Variants in SMARCE1 observed in about 807,000 individuals in gnomAD.
SMARCE1 encodes the protein SWI/SNF-related matrix-associated actin-dependent regulator of chromatin subfamily E member 1.
In SMARCE1, 13 loss-of-function variants were observed where a neutral mutation model predicts 54.9. That is an observed-to-expected ratio of 0.24 (90% CI 0.15 to 0.38). SMARCE1 has a LOEUF of 0.38. Ranked by LOEUF, SMARCE1 falls within the 10% of genes least tolerant of loss-of-function variation. The pLI is 1.00. For synonymous variants in SMARCE1, 151 were observed against 175.3 expected (o/e 0.86, Z 1.10); for missense variants, 295 against 523.8 (o/e 0.56, Z 4.26).
chr17:40,633,143 G>A (rs2037112307), intron 7 of SMARCE1: 1 of 152,220 alleles, frequency 6.6e-6, no homozygotes, highest in Non-Finnish European at 1.5e-5. Context: ...CCAAGTAGCA[G>A]GAATTACAGG....
At chr17:40,644,354 A>T (rs2037230756) in intron 3 of SMARCE1, 1 of 152,164 alleles carries the variant, frequency 6.6e-6, no homozygotes, top group Admixed American at 6.5e-5. Context: ...CTAAAAAAAA[A>T]AAAATGGAAA....
Position 40,625,491 on chromosome 17 carries a change from G to T in SMARCE1, c.*3294C>A, listed in dbSNP as rs1425158211. ...AATGCACTAGCTGAAACCAGGTGGGGAGACCATGTGTGGTAGTGCTTGGGG... is the reference window on the plus strand; with the variant it reads ...AATGCACTAGCTGAAACCAGGTGGGTAGACCATGTGTGGTAGTGCTTGGGG... On this transcript the variant is annotated 3_prime_UTR_variant, in exon 11 of 11. Transcript: ENST00000348513. 6.6e-6 allele frequency: 1 copy of T among 152,222 alleles called. No individual in the cohort carries two copies. The highest frequency in any genetic ancestry group is 2.4e-5 in the African/African-American group (1 of 41,450). The allele number at this position is 152,222 out of a possible 1,614,324, so 9.4% of individuals were successfully genotyped here. A position where few individuals can be genotyped will look rare whatever the true frequency, so the allele number is the denominator to read the frequency against.
Position 40,637,914 on chromosome 17 carries a change from AATTACC to A in SMARCE1, c.157-348_157-343del, listed in dbSNP as rs1428988861. On this transcript the variant is annotated intron_variant, in intron 4 of 10. Coordinates refer to ENST00000348513, the MANE Select transcript of SMARCE1 (RefSeq NM_003079.5). Reference sequence around the variant, plus strand: ...TACCTGGTACCCTCTTATTCTGCTCAATTACCATTACACATACAGTCAACACTTGAT... The same window carrying A: ...TACCTGGTACCCTCTTATTCTGCTCAATTACACATACAGTCAACACTTGAT... 6.6e-5 allele frequency among the ~76,000 whole-genome samples: 10 copies of A among 152,260 alleles called. 1 individual carries two copies. The South Asian group carries it at 1.9e-3, about 28-fold the overall frequency.
At position 40,626,738 on chromosome 17, in the gene SMARCE1, T is replaced by G. The variant is rs1473461910; in HGVS notation, c.*2047A>C. ...AAATACAAAAATTAACCGGGCATGG[T>G]GGCGAGAGCCTGTAATCCCAGCTGC... On this transcript the variant is annotated 3_prime_UTR_variant, in exon 11 of 11. Transcript: ENST00000348513. The G allele has an allele frequency of 6.6e-6, 1 of 152,104 alleles. No homozygotes were observed. The highest frequency in any genetic ancestry group is 1.5e-5 in the Non-Finnish European group (1 of 68,100). 9.4% of individuals were successfully genotyped at this position (152,104 alleles called of 1,614,324 possible).
Position 40,625,383 on chromosome 17 carries a change from G to T in SMARCE1, c.*3402C>A, listed in dbSNP as rs2037025069. On this transcript the variant is annotated 3_prime_UTR_variant, in exon 11 of 11. Transcript: ENST00000348513. ...CAGTGGATTTTTCATTTGCAAAGACGTTAAGCCCTCCAAATGTGCAAATCA... is the reference window on the plus strand; with the variant it reads ...CAGTGGATTTTTCATTTGCAAAGACTTTAAGCCCTCCAAATGTGCAAATCA... The T allele has an allele frequency of 6.6e-6, 1 of 152,182 alleles. No homozygotes were observed. The highest frequency in any genetic ancestry group is 2.1e-4 in the South Asian group (1 of 4,834). The allele number at this position is 152,182 out of a possible 1,614,324, so 9.4% of individuals were successfully genotyped here. A position where few individuals can be genotyped will look rare whatever the true frequency, so the allele number is the denominator to read the frequency against.
rs1555605248 is a variant in SMARCE1 at position 40,630,845 on chromosome 17, C to A, written c.896G>T (p.Arg299Met). 1.2e-6 allele frequency: 2 copies of A among 1,614,026 alleles called. No homozygotes were observed. Among genetic ancestry groups the A allele is most frequent in the East Asian group, 4.5e-5 (2 of 44,882 alleles). Residue 299 changes from arginine (R) to methionine (M), a missense_variant, in exon 10 of 11, where the codon AGG becomes ATG. Transcript: ENST00000348513. ...IAQAEEQARK[R>M]QEEREKEAAE... Reference sequence around the variant, plus strand: ...GGCCTCCTTCTCCCTTTCCTCCTGCCTTTTGCGGGCCTGTTCCTCTGCCTG... The same window carrying A: ...GGCCTCCTTCTCCCTTTCCTCCTGCATTTTGCGGGCCTGTTCCTCTGCCTG...
intron 3 of SMARCE1, chr17:40,643,648 T>A (rs2037220612): frequency 6.6e-6 from 1 of 152,212 alleles, no homozygotes; most frequent in Non-Finnish European, 1.5e-5. Context: ...CAATTAACAA[T>A]ATCGGTCCTT....
chr17:40,632,364 T>A lies in SMARCE1; in HGVS notation c.545A>T (p.Tyr182Phe), dbSNP rs758236381. 1 of 1,613,280 alleles carries A rather than the reference T, an allele frequency of 6.2e-7. No individual in the cohort carries two copies. Among genetic ancestry groups the A allele is most frequent in the Admixed American group, 1.7e-5 (1 of 59,898 alleles). ...SIQPAEDPDD[Y>F]DDGFSMKHTA... ...ATGCTTCATTGAAAAGCCATCATCATAATCTGGAGTGAACAAATTGTTCTG... is the reference window on the plus strand; with the variant it reads ...ATGCTTCATTGAAAAGCCATCATCAAAATCTGGAGTGAACAAATTGTTCTG... The change falls in exon 8 of 11, where the codon TAT (tyrosine) becomes TTT (phenylalanine). Residue 182 changes from tyrosine (Y) to phenylalanine (F), a missense_variant. Transcript: ENST00000348513.
At chr17:40,644,303 G>A (rs1264156844) in intron 3 of SMARCE1, 1 of 151,150 alleles carries the variant, frequency 6.6e-6, no homozygotes. Context: ...AAGAATCACT[G>A]TTCAACATTA....
intron 10 of SMARCE1, chr17:40,629,779 G>T (rs1411913547): frequency 2.6e-6 from 1 of 390,504 alleles, no homozygotes; most frequent in Non-Finnish European, 4.5e-6. Flanking sequence ...TAATTTTCAA[G>T]CTCGTTTTAA....
chr17:40,631,018 C>CTA lies in SMARCE1; in HGVS notation c.817-96_817-95dup, dbSNP rs578072743. The CTA allele has an allele frequency of 5.3e-3, 4,709 of 885,098 alleles. 13 individuals are homozygous for CTA. Among genetic ancestry groups the CTA allele is most frequent in the Non-Finnish European group, 6.6e-3 (3,811 of 580,844 alleles). The allele number at this position is 885,098 out of a possible 1,614,324, so 54.8% of individuals were successfully genotyped here. On this transcript the variant is annotated intron_variant, in intron 9 of 10. Coordinates refer to ENST00000348513, the MANE Select transcript of SMARCE1 (RefSeq NM_003079.5). ...AAAAGTTGGTTTTCTTGCCTATAAA[C>CTA]TATATATATATATCTATACACCTGT...
intron 4 of SMARCE1, chr17:40,640,494 C>T (rs2037187906): frequency 6.6e-6 from 1 of 152,196 alleles, no homozygotes; most frequent in Admixed American, 6.5e-5. Flanking sequence ...CCTTGAAAAC[C>T]ACTAATGCAA....
chr17:40,633,738 A>G (rs1404506813), intron 7 of SMARCE1: 1 of 152,270 alleles, frequency 6.6e-6, no homozygotes, highest in African/African-American at 2.4e-5. Flanking sequence ...CCTTTTGAGT[A>G]ATTTCTTTAG....
Position 40,645,626 on chromosome 17 carries a change from G to C in SMARCE1, c.8-7C>G. 1 of 1,554,538 alleles carries C rather than the reference G, an allele frequency of 6.4e-7. No homozygotes were observed. Among genetic ancestry groups the C allele is most frequent in the Non-Finnish European group, 8.7e-7 (1 of 1,155,690 alleles). ...GGGGCATAAGATGGTCTTTCTGTTT[G>C]AAAGAAAATAAATAACTTCTTGTAA... is the stretch of plus-strand genomic sequence containing the variant. On this transcript the variant is annotated splice_polypyrimidine_tract_variant and splice_region_variant and intron_variant, in intron 2 of 10. Coordinates refer to ENST00000348513, the MANE Select transcript of SMARCE1 (RefSeq NM_003079.5).
Position 40,642,227 on chromosome 17 carries a change from C to A in SMARCE1, c.156+228G>T. On this transcript the variant is annotated intron_variant, in intron 4 of 10. Transcript: ENST00000348513. This position sits in a 1 kb window ranked among gnomAD's most constrained non-coding sequence, Gnocchi z 4.6. ...TCAAGTGCTCAAGGCTTTAACCCTA[C>A]CAACCACCAAACAGAATGGATTTTT... The A allele has an allele frequency of 1.6e-6, 1 of 613,686 alleles. No individual in the cohort carries two copies. Among genetic ancestry groups the A allele is most frequent in the Non-Finnish European group, 2.9e-6 (1 of 348,302 alleles). 38.0% of individuals were successfully genotyped at this position (613,686 alleles called of 1,614,324 possible). A position where few individuals can be genotyped will look rare whatever the true frequency, so the allele number is the denominator to read the frequency against.
At chr17:40,643,760 A>AT (rs1597750645) in intron 3 of SMARCE1, 2 of 152,312 alleles carry the variant, frequency 1.3e-5, no homozygotes, top group East Asian at 3.9e-4. Context: ...TATCCTTAGT[A>AT]CCCAAAAGAA....
rs1567843997 is a variant in SMARCE1, at chr17:40,626,866, C to CTCCAACTCAAAAAAAAAAAAAAAAAAAAA, written c.*1918_*1919insTTTTTTTTTTTTTTTTTTTTTGAGTTGGA. 1 of 93,276 alleles carries CTCCAACTCAAAAAAAAAAAAAAAAAAAAA rather than the reference C, an allele frequency of 1.1e-5. No homozygotes were observed. 5.8% of individuals were successfully genotyped at this position (93,276 alleles called of 1,614,324 possible). On this transcript the variant is annotated 3_prime_UTR_variant, in exon 11 of 11. Coordinates refer to ENST00000348513, the MANE Select transcript of SMARCE1 (RefSeq NM_003079.5). ...CTCCAACCTGGGCGACAGATTGAGA[C>CTCCAACTCAAAAAAAAAAAAAAAAAAAAA]GTCTCCCATCTGACTTAATTCCCTC...
chr17:40,631,731 T>G, intron 8 of SMARCE1, 38 bp from the exon 9 acceptor site: 1 of 1,119,222 alleles, frequency 8.9e-7, no homozygotes, highest in South Asian at 1.2e-5. Context: ...TGTGTCTCAT[T>G]TTTTAATGGT....
intron 7 of SMARCE1, chr17:40,634,352 C>CA (rs1365068407): frequency 1.3e-5 from 2 of 152,448 alleles, no homozygotes; most frequent in African/African-American, 4.8e-5. Context: ...AGGCTGGTCT[C>CA]AAACTCTTGG....
Sources: allele counts gnomAD v4.1 joint callset (sites outside exome capture counted in the v4.1 genomes callset), GRCh38; gene constraint gnomAD v4.1.1; non-coding constraint Gnocchi (gnomAD v3.1); transcripts MANE v1.5; gene names NCBI Gene and HGNC (gene_info 2026-07-23, HGNC 2026-07-21).